RPL7: variants seen among roughly 807,000 people sequenced by gnomAD.
RPL7 encodes ribosomal protein L7, also known as large ribosomal subunit protein uL30.
For synonymous variants in RPL7, 100 were observed against 102.2 expected (o/e 0.98, Z 0.13); for missense variants, 205 against 301.9 (o/e 0.68, Z 2.38).
chr8:73,290,792 T>A, intron 6 of RPL7, 87 bp from the exon 7 acceptor site: 1 of 444,366 alleles, frequency 2.3e-6, no homozygotes. Context: ...AATGATTGAG[T>A]TTACATTTTT....
intron 5 of RPL7, 113 bp from the exon 6 acceptor site, chr8:73,291,365 G>C: frequency 1.1e-6 from 1 of 904,634 alleles, no homozygotes; most frequent in East Asian, 2.6e-5. Context: ...GAATAAACAA[G>C]GTAAATGCAT....
intron 1 of RPL7, 125 bp downstream of exon 1, chr8:73,293,473 GC>G: frequency 8.4e-7 from 1 of 1,193,460 alleles, no homozygotes; most frequent in Non-Finnish European, 1.2e-6. Flanking sequence ...GTGTCACACA[GC>G]GTTCACAATC....
chr8:73,293,591 C>T lies in RPL7; in HGVS notation c.14+8G>A, dbSNP rs191975568. 517 of 1,613,846 alleles carry T rather than the reference C, an allele frequency of 3.2e-4. No individual in the cohort carries two copies. In the Middle Eastern group the frequency reaches 9.3e-3, roughly 29 times the overall value. On this transcript the variant is annotated splice_region_variant and intron_variant, in intron 1 of 6. Coordinates refer to ENST00000352983, the MANE Select transcript of RPL7 (RefSeq NM_000971.4). ...GAAGGATTCTCAAGAGGACCAGAAGCAACTCACTCTACACCCTCCATGGTT... is the reference window on the plus strand; with the variant it reads ...GAAGGATTCTCAAGAGGACCAGAAGTAACTCACTCTACACCCTCCATGGTT...
chr8:73,294,007 G>A (rs1490671345), upstream of RPL7: 1 of 184,236 alleles, frequency 5.4e-6, no homozygotes, highest in South Asian at 8.3e-5. Flanking sequence ...CGGCGGGAGG[G>A]CAACGGCTGA....
rs769554618 is a variant in RPL7, at chr8:73,292,423, G to A, written c.124-18C>T. 11 of 1,580,404 alleles carry A rather than the reference G, an allele frequency of 7.0e-6. No individual in the cohort carries two copies. Among genetic ancestry groups the A allele is most frequent in the East Asian group, 2.2e-5 (1 of 44,524 alleles). The stretch of plus-strand genomic sequence containing the variant: ...TTTCGAAGCTGAAAACCAATAATCA[G>A]TTATTCATAATTTTTAGCTCAATCA... On this transcript the variant is annotated intron_variant, in intron 2 of 6. Coordinates refer to ENST00000352983, the MANE Select transcript of RPL7 (RefSeq NM_000971.4).
intron 5 of RPL7, 21 bp downstream of exon 5, chr8:73,291,531 T>A: frequency 6.4e-7 from 1 of 1,562,032 alleles, no homozygotes; most frequent in Non-Finnish European, 8.8e-7. Context: ...AATACCAAAT[T>A]TTCCCCCAAA....
At chr8:73,292,005 C>CAA in intron 3 of RPL7, 95 bp from the exon 4 acceptor site, 1 of 1,437,550 alleles carries the variant, frequency 7.0e-7, no homozygotes, top group South Asian at 1.2e-5. Context: ...CCTACCTAAA[C>CAA]AGATAGGAAT....
At chr8:73,292,649 G>C (rs1814129983) in intron 2 of RPL7, 40 bp downstream of exon 2, 1 of 1,439,966 alleles carries the variant, frequency 6.9e-7, no homozygotes, top group African/African-American at 1.4e-5. Flanking sequence ...TCCCAATAAG[G>C]CGCCTCCTTA....
intron 2 of RPL7, 56 bp from the exon 3 acceptor site, chr8:73,292,461 C>T: frequency 6.8e-7 from 1 of 1,463,224 alleles, no homozygotes; most frequent in Non-Finnish European, 9.3e-7. Context: ...ATTAGCAATG[C>T]CAATCATTAA....
Position 73,291,759 on chromosome 8 carries a change from G to C in RPL7, c.428+14C>G, listed in dbSNP as rs147128816. The C allele has an allele frequency of 1.5e-4, 237 of 1,597,324 alleles. 2 individuals are homozygous for C. In the East Asian group the frequency reaches 5.3e-3, roughly 36 times the overall value. ...AATTTATCAAATAGAAATCAAAGGA[G>C]AAAAGAGACTTACCCCCATGCAATA... On this transcript the variant is annotated intron_variant, in intron 4 of 6. Coordinates refer to ENST00000352983, the MANE Select transcript of RPL7 (RefSeq NM_000971.4).
At chr8:73,292,529 T>TC in intron 2 of RPL7, 124 bp from the exon 3 acceptor site, 1 of 1,081,552 alleles carries the variant, frequency 9.2e-7, no homozygotes, top group Non-Finnish European at 1.3e-6. Context: ...TGCAATTACA[T>TC]CCCCCACCAA....
intron 1 of RPL7, 95 bp downstream of exon 1, chr8:73,293,504 G>C: frequency 2.7e-6 from 4 of 1,481,606 alleles, no homozygotes; most frequent in Non-Finnish European, 3.7e-6. Flanking sequence ...GGTGGGCAAA[G>C]GTGCAAGCTA....
At position 73,292,353 on chromosome 8, in the gene RPL7, T is replaced by C. The variant is rs773491709; in HGVS notation, c.176A>G (p.Lys59Arg). Residue 59 changes from lysine (K) to arginine (R), a missense_variant, in exon 3 of 7, where the codon AAG (lysine) becomes AGG (arginine). By Grantham distance (26) the Lys-to-Arg change is conservative (BLOSUM62 2). Transcript: ENST00000352983. ...LIYEKAKHYH[K>R]EYRQMYRTEI... ...AGTTCTGTACATCTGCCTATATTCC[T>C]TGTGATAGTGCTTTGCTTTTTCATA... 28 of 1,603,882 alleles carry C rather than the reference T, an allele frequency of 1.7e-5. No homozygotes were observed. The highest frequency in any genetic ancestry group is 2.3e-5 in the Non-Finnish European group (27 of 1,179,330).
At chr8:73,293,740 C>T, upstream of RPL7, 1 of 1,157,012 alleles carries the variant, frequency 8.6e-7, no homozygotes, top group Non-Finnish European at 1.2e-6. Context: ...AAAAAGCCGC[C>T]TTGCAGACGC....
upstream of RPL7, chr8:73,293,814 T>C: frequency 1.6e-6 from 1 of 608,550 alleles, no homozygotes; most frequent in African/African-American, 1.9e-5. Context: ...GAAGAAAATA[T>C]ATGCATTTGA....
At chr8:73,293,738 G>A (rs1209817716), upstream of RPL7, 1 of 1,208,484 alleles carries the variant, frequency 8.3e-7, no homozygotes, top group South Asian at 1.4e-5. Flanking sequence ...CTAAAAAGCC[G>A]CCTTGCAGAC....
At chr8:73,292,469 TAAAAAGA>T (rs1164168847) in intron 2 of RPL7, 64 bp from the exon 3 acceptor site, 1 of 1,432,144 alleles carries the variant, frequency 7.0e-7, no homozygotes, top group Non-Finnish European at 9.5e-7. Flanking sequence ...TGCCAATCAT[TAAAAAGA>T]AAACTACAAC....
Position 73,292,182 on chromosome 8 carries a change from G to A in RPL7, c.290+57C>T, listed in dbSNP as rs1814114011. The A allele has an allele frequency of 9.4e-6, 13 of 1,379,468 alleles. No homozygotes were observed. The South Asian group carries it at 1.3e-4, about 13-fold the overall frequency. The allele number at this position is 1,379,468 out of a possible 1,614,324, so 85.5% of individuals were successfully genotyped here. On this transcript the variant is annotated intron_variant, in intron 3 of 6. Transcript: ENST00000352983. The stretch of plus-strand genomic sequence containing the variant: ...CAGAATCAGGGCTCCCAGAAGTAAT[G>A]TGAAGGTTTTTTTTTTTTTTCCCAT...
intron 3 of RPL7, 67 bp downstream of exon 3, chr8:73,292,172 C>A: frequency 1.4e-6 from 2 of 1,442,924 alleles, no homozygotes; most frequent in South Asian, 2.5e-5. Context: ...TCAGGGCTCC[C>A]AGAAGTAATG....
Sources: gnomAD v4.1 joint callset for allele counts on GRCh38, gnomAD v4.1.1 for gene constraint, MANE v1.5 for transcripts, NCBI Gene and HGNC (gene_info 2026-07-23, HGNC 2026-07-21) for gene names.